The following PTPN13 variants were observed in gnomAD, a reference collection of about 807,000 sequenced individuals.
PTPN13 encodes tyrosine-protein phosphatase non-receptor type 13.
A neutral mutation model predicts 284.0 loss-of-function variants in PTPN13; 191 were observed. The ratio of observed to expected loss-of-function variants is 0.67; its 90% CI spans 0.60 to 0.76. The LOEUF is 0.76. Ranked by LOEUF, PTPN13 falls within the 30% of genes least tolerant of loss-of-function variation. The pLI is 0.00. For missense variants in PTPN13, 2,797 were observed against 2,939.9 expected (o/e 0.95, Z 1.12); for synonymous variants, 986 against 1,022.3 (o/e 0.96, Z 0.68).
intron 2 of PTPN13, among the ~76,000 whole-genome samples, chr4:86,636,550 G>A (rs1407604687): frequency 6.6e-6 from 1 of 152,166 alleles, no homozygotes; most frequent in Admixed American, 6.6e-5. Context: ...AGTTCTGAAA[G>A]TGTGGTACCA....
At chr4:86,762,509 A>G (rs555262580) in intron 23 of PTPN13, among the ~76,000 whole-genome samples, 1 of 152,320 alleles carries the variant, frequency 6.6e-6, no homozygotes, top group Admixed American at 6.5e-5. Context: ...GAGAATGGAA[A>G]TGGGGAGTTA....
At position 86,594,594 on chromosome 4, in the gene PTPN13, G is replaced by A. The variant is rs1452776192; in HGVS notation, c.-201G>A. On this transcript the variant is annotated 5_prime_UTR_variant, in exon 1 of 48. Transcript: ENST00000411767. ...GCGTTTCCGAGGCGAGGAGGAGGAGGAGGAGATGCTGCTCCTCTTCTCCCC... is the reference window on the plus strand; with the variant it reads ...GCGTTTCCGAGGCGAGGAGGAGGAGAAGGAGATGCTGCTCCTCTTCTCCCC... 2 of 152,416 alleles carry A rather than the reference G, an allele frequency of 1.3e-5. No homozygotes were observed. The highest frequency in any genetic ancestry group is 2.4e-5 in the African/African-American group (1 of 41,452). 9.4% of individuals were successfully genotyped at this position (152,416 alleles called of 1,614,324 possible).
intron 3 of PTPN13, among the ~76,000 whole-genome samples, chr4:86,675,722 G>C (rs1728202953): frequency 6.6e-6 from 1 of 152,108 alleles, no homozygotes; most frequent in Admixed American, 6.5e-5. Flanking sequence ...TGAGTAGACA[G>C]GTTTATACAG....
Position 86,601,752 on chromosome 4 carries a change from C to CG in PTPN13, c.-6+6967dup, listed in dbSNP as rs1484773915. On this transcript the variant is annotated intron_variant, in intron 1 of 47. Coordinates refer to ENST00000411767, the MANE Select transcript of PTPN13 (RefSeq NM_080683.3). ...AATGAATACTGCTGTTCTTCCACCG[C>CG]GGGGATACTTAAGAATCACTGTCTG... Among the ~76,000 whole-genome samples the CG allele has an allele frequency of 2.0e-5, 3 of 152,134 alleles. No homozygotes were observed. The South Asian group carries it at 6.2e-4, about 31-fold the overall frequency.
rs1014750813 is a variant in PTPN13, at chr4:86,773,930, CA to C, written c.5350-434del. Among the ~76,000 whole-genome samples the C allele has an allele frequency of 1.5e-3, 224 of 147,876 alleles. 2 individuals carry two copies. The highest frequency in any genetic ancestry group is 4.9e-3 in the African/African-American group (200 of 40,442). ...TCACCGAAAGACTTCATATTTTTAC[CA>C]AAAAAAAAGCTTTGTTGTGGCTCTT... is the stretch of plus-strand genomic sequence containing the variant. On this transcript the variant is annotated intron_variant, in intron 32 of 47. Coordinates refer to ENST00000411767, the MANE Select transcript of PTPN13 (RefSeq NM_080683.3).
intron 28 of PTPN13, among the ~76,000 whole-genome samples, chr4:86,769,303 C>T (rs1180339460): frequency 6.6e-6 from 1 of 151,916 alleles, no homozygotes; most frequent in Non-Finnish European, 1.5e-5. Flanking sequence ...GTGGAGTTTC[C>T]CCTTTTTTTG....
At chr4:86,705,515 A>G (rs1304264073) in intron 7 of PTPN13, among the ~76,000 whole-genome samples, 1 of 152,140 alleles carries the variant, frequency 6.6e-6, no homozygotes. Context: ...AACTGTAAAT[A>G]TCAATGTATA....
At chr4:86,636,973 G>C (rs1340077203) in intron 2 of PTPN13, among the ~76,000 whole-genome samples, 4 of 150,830 alleles carry the variant, frequency 2.7e-5, no homozygotes, top group Non-Finnish European at 5.9e-5. Flanking sequence ...TCAAATAGAC[G>C]CAATAAAAAA....
chr4:86,639,687 G>A (rs1565207475), intron 2 of PTPN13, among the ~76,000 whole-genome samples: 1 of 151,784 alleles, frequency 6.6e-6, no homozygotes, highest in Non-Finnish European at 1.5e-5. Flanking sequence ...TGTGGGGTGG[G>A]GGGAAGGGGG....
intron 35 of PTPN13, among the ~76,000 whole-genome samples, chr4:86,778,824 C>T (rs1740945072): frequency 6.6e-6 from 1 of 151,880 alleles, no homozygotes; most frequent in Non-Finnish European, 1.5e-5. Context: ...AAAAAAGCTA[C>T]CTCAGGTGTT....
At chr4:86,607,762 G>T (rs1047201194) in intron 1 of PTPN13, among the ~76,000 whole-genome samples, 9 of 151,958 alleles carry the variant, frequency 5.9e-5, no homozygotes, top group Non-Finnish European at 1.3e-4. Flanking sequence ...TTTTTTATGA[G>T]CTTTTAAAAC....
At chr4:86,722,513 C>A in intron 10 of PTPN13, 79 bp downstream of exon 10, 2 of 1,174,144 alleles carry the variant, frequency 1.7e-6, no homozygotes, top group Non-Finnish European at 2.5e-6. Context: ...TTAAAAATTG[C>A]TACAGGTATC....
rs773088245 is a variant in PTPN13, at chr4:86,785,325, T to C, written c.6213T>C (p.Asn2071=). 1 of 1,611,582 alleles carries C rather than the reference T, an allele frequency of 6.2e-7. No homozygotes were observed. The highest frequency in any genetic ancestry group is 8.5e-7 in the Non-Finnish European group (1 of 1,178,454). Residue 2071 remains asparagine (N), a synonymous_variant, in exon 39 of 48, where the codon AAT becomes AAC. Transcript: ENST00000411767. ...ATGTTGTGGATGAGGAAGCCCAGAA[T>C]CTTTTAAACGAAAATAATGCAGCAG... ...LLDVVDEEAQ[N]LLNENNAAGY...
intron 10 of PTPN13, among the ~76,000 whole-genome samples, chr4:86,730,393 G>A (rs1734796526): frequency 6.7e-6 from 1 of 149,932 alleles, no homozygotes; most frequent in Non-Finnish European, 1.5e-5. Context: ...CTTTTGTTCA[G>A]CTATGCCCTG....
chr4:86,768,520 C>G (rs1739586828), intron 28 of PTPN13, among the ~76,000 whole-genome samples: 1 of 151,950 alleles, frequency 6.6e-6, no homozygotes, highest in Admixed American at 6.6e-5. Flanking sequence ...GTTTATATTT[C>G]CTTTACTTTA....
At chr4:86,774,311 C>T in intron 32 of PTPN13, 62 bp from the exon 33 acceptor site, 1 of 1,447,776 alleles carries the variant, frequency 6.9e-7, no homozygotes, top group Non-Finnish European at 9.3e-7. Flanking sequence ...TGATAGTCAT[C>T]TTTCTGTTTG....
In PTPN13 at chr4:86,799,217, A is replaced by G; in HGVS notation, c.6505+13A>G. On this transcript the variant is annotated intron_variant, in intron 42 of 47. Transcript: ENST00000411767. The stretch of plus-strand genomic sequence containing the variant: ...GATTCTGATAAAGGCAAGAATTTTA[A>G]TGACAGTTTTTTCCTCAAAAATAAT... 1.4e-6 allele frequency: 2 copies of G among 1,469,308 alleles called. No homozygotes were observed. Among genetic ancestry groups the G allele is most frequent in the Non-Finnish European group, 1.8e-6 (2 of 1,088,344 alleles). 91.0% of individuals were successfully genotyped at this position (1,469,308 alleles called of 1,614,324 possible).
intron 2 of PTPN13, among the ~76,000 whole-genome samples, chr4:86,665,523 T>C (rs1487796298): frequency 2.0e-5 from 3 of 152,200 alleles, no homozygotes; most frequent in Admixed American, 6.5e-5. Context: ...TAAGTACTAA[T>C]TGGTTTGATC....
intron 40 of PTPN13, among the ~76,000 whole-genome samples, chr4:86,787,379 G>A (rs557231790): frequency 6.6e-6 from 1 of 152,002 alleles, no homozygotes; most frequent in East Asian, 1.9e-4. Context: ...GATCACCTGA[G>A]GTTGGGAGTT....
Sources: allele counts gnomAD v4.1 joint callset (sites outside exome capture counted in the v4.1 genomes callset), GRCh38; gene constraint gnomAD v4.1.1; transcripts MANE v1.5; gene names NCBI Gene and HGNC (gene_info 2026-07-23, HGNC 2026-07-21).